The following FGF9 variants were observed in gnomAD, a reference collection of about 807,000 sequenced individuals.
FGF9 encodes the protein fibroblast growth factor 9 (glia-activating factor).
A neutral mutation model predicts 19.9 loss-of-function variants in FGF9; 3 were observed. The ratio of observed to expected loss-of-function variants is 0.15; its 90% confidence interval spans 0.07 to 0.39. The LOEUF (loss-of-function observed/expected upper bound fraction) is 0.39, where lower values mean the gene tolerates loss of function less well. Ranked by LOEUF, FGF9 falls within the 10% of genes least tolerant of loss-of-function variation. The pLI, the probability that FGF9 is intolerant of heterozygous loss-of-function variation, is 1.00. For synonymous variants in FGF9, 107 were observed against 106.9 expected (o/e 1.00, Z -0.01); for missense variants, 175 against 256.8 (o/e 0.68, Z 2.18).
At chr13:21,674,930 A>T (rs1871871862) in intron 1 of FGF9, among the ~76,000 whole-genome samples, 1 of 149,796 alleles carries the variant, frequency 6.7e-6, no homozygotes, top group South Asian at 2.1e-4. Flanking sequence ...TAGACCCCTC[A>T]CCCCTAGAGG....
At chr13:21,692,684 C>T (rs1014023688) in intron 2 of FGF9, among the ~76,000 whole-genome samples, 1 of 152,176 alleles carries the variant, frequency 6.6e-6, no homozygotes, top group Admixed American at 6.5e-5. Flanking sequence ...GGTCACGCTC[C>T]CAAGTGTGTG....
At position 21,691,634 on chromosome 13, in the gene FGF9, G is replaced by A. The variant is rs1021704465; in HGVS notation, c.382-9556G>A. 7.9e-5 allele frequency among the ~76,000 whole-genome samples: 12 copies of A among 152,212 alleles called. No individual in the cohort carries two copies. Among genetic ancestry groups the A allele is most frequent in the African/African-American group, 2.9e-4 (12 of 41,464 alleles). ...TCCGGGGCTGTCGTTCAGCGTCCTGGCCCGAGAGATGCCCTCCATCCTTAC... is the reference window on the plus strand; with the variant it reads ...TCCGGGGCTGTCGTTCAGCGTCCTGACCCGAGAGATGCCCTCCATCCTTAC... On this transcript the variant is annotated intron_variant, in intron 2 of 2. Coordinates refer to ENST00000382353, the MANE Select transcript of FGF9 (RefSeq NM_002010.3). The surrounding 1 kb of genome is among the most constrained non-coding windows in gnomAD (Gnocchi z 4.2).
intron 1 of FGF9, among the ~76,000 whole-genome samples, chr13:21,674,806 A>G (rs537726049): frequency 4.4e-4 from 66 of 151,194 alleles, no homozygotes; most frequent in African/African-American, 1.5e-3. Context: ...GAGAGCGCGG[A>G]TGCAAGGGCG....
In FGF9 at chr13:21,691,308, T is replaced by C. The variant is rs1872284791; in HGVS notation, c.382-9882T>C. ...GTTAGAATTATAAACAAAAGGGGCT[T>C]GGAGAGCTTGCAGGAGGGAGCTTAA... On this transcript the variant is annotated intron_variant, in intron 2 of 2. Transcript: ENST00000382353. This position sits in a 1 kb window ranked among gnomAD's most constrained non-coding sequence, Gnocchi z 4.2. 6.6e-6 allele frequency among the ~76,000 whole-genome samples: 1 copy of C among 152,176 alleles called. No homozygotes were observed. The highest frequency in any genetic ancestry group is 2.1e-4 in the South Asian group (1 of 4,826).
At chr13:21,698,353 T>C (rs1872463143) in intron 2 of FGF9, among the ~76,000 whole-genome samples, 1 of 152,214 alleles carries the variant, frequency 6.6e-6, no homozygotes, top group South Asian at 2.1e-4. Context: ...GGTTCTAAGA[T>C]GTTAAGATGT....
chr13:21,671,592 G>A lies in FGF9; in HGVS notation c.-321G>A, dbSNP rs558316270. ...CGGATTTTTTTTCCTTATTACGGTC[G>A]GATGGGATGAAGACCTTCCTGCCTG... is the stretch of plus-strand genomic sequence containing the variant. On this transcript the variant is annotated 5_prime_UTR_variant, in exon 1 of 3. Transcript: ENST00000382353. The A allele has an allele frequency of 2.0e-6, 1 of 495,422 alleles. No homozygotes were observed. Among genetic ancestry groups the A allele is most frequent in the African/African-American group, 1.9e-5 (1 of 51,498 alleles). 30.7% of individuals were successfully genotyped at this position (495,422 alleles called of 1,614,324 possible).
At chr13:21,678,841 A>G (rs947231447) in intron 1 of FGF9, among the ~76,000 whole-genome samples, 6 of 152,208 alleles carry the variant, frequency 3.9e-5, no homozygotes, top group Non-Finnish European at 5.9e-5. Context: ...CGAAAATTGA[A>G]CATTAATTAA....
intron 1 of FGF9, among the ~76,000 whole-genome samples, chr13:21,679,004 T>C (rs1276282554): frequency 6.6e-6 from 1 of 152,168 alleles, no homozygotes; most frequent in African/African-American, 2.4e-5. Context: ...TGAAATAAAA[T>C]GCATCAAAAA....
chr13:21,695,492 T>A (rs887085129), intron 2 of FGF9, among the ~76,000 whole-genome samples: 1 of 152,020 alleles, frequency 6.6e-6, no homozygotes, highest in Non-Finnish European at 1.5e-5. Flanking sequence ...GGGTGGGAGC[T>A]TCTCATGAAA....
At position 21,701,608 on chromosome 13, in the gene FGF9, A is replaced by C; in HGVS notation, c.*173A>C. 1.1e-6 allele frequency: 1 copy of C among 881,200 alleles called. No homozygotes were observed. The highest frequency in any genetic ancestry group is 1.8e-6 in the Non-Finnish European group (1 of 570,926). 54.6% of individuals were successfully genotyped at this position (881,200 alleles called of 1,614,324 possible). On this transcript the variant is annotated 3_prime_UTR_variant, in exon 3 of 3. Transcript: ENST00000382353. ...TGGGAATATGCTGATTTTGTTCTGC[A>C]CTTAAAGGCTTCTCCTCCTGGAGGG... is the stretch of plus-strand genomic sequence containing the variant.
At chr13:21,680,983 A>T in intron 1 of FGF9, 59 bp from the exon 2 acceptor site, 1 of 1,300,774 alleles carries the variant, frequency 7.7e-7, no homozygotes, top group Admixed American at 1.7e-5. Context: ...GGATGCTGGG[A>T]CTCTAAGGAC....
intron 2 of FGF9, among the ~76,000 whole-genome samples, chr13:21,688,358 A>G (rs1003867352): frequency 3.9e-5 from 6 of 152,236 alleles, no homozygotes; most frequent in Admixed American, 3.9e-4. Context: ...GGTGGTTTTC[A>G]ACGGATATTT....
At chr13:21,693,553 A>T (rs1224071989) in intron 2 of FGF9, among the ~76,000 whole-genome samples, 1 of 152,074 alleles carries the variant, frequency 6.6e-6, no homozygotes, top group Admixed American at 6.6e-5. Context: ...GTGCTATGAC[A>T]TTGCTAACTT....
chr13:21,687,837 T>C (rs1872196846), intron 2 of FGF9, among the ~76,000 whole-genome samples: 1 of 152,200 alleles, frequency 6.6e-6, no homozygotes, highest in Non-Finnish European at 1.5e-5. Flanking sequence ...TGGGGGACAG[T>C]TATGTGGTTG....
chr13:21,700,571 T>A (rs1462456334), intron 2 of FGF9, among the ~76,000 whole-genome samples: 1 of 152,220 alleles, frequency 6.6e-6, no homozygotes, highest in African/African-American at 2.4e-5. Context: ...AGAACATATC[T>A]GACATCACTG....
chr13:21,697,017 G>A (rs529373308), intron 2 of FGF9, among the ~76,000 whole-genome samples: 15 of 152,206 alleles, frequency 9.9e-5, no homozygotes, highest in Middle Eastern at 3.4e-3. Context: ...AAAATGTACC[G>A]GTGATTTTGC....
chr13:21,682,559 T>C (rs895008991), intron 2 of FGF9, among the ~76,000 whole-genome samples: 1 of 152,030 alleles, frequency 6.6e-6, no homozygotes, highest in African/African-American at 2.4e-5. Flanking sequence ...TTAAACACAG[T>C]GGATGGTTTA....
Position 21,672,202 on chromosome 13 carries a change from T to G in FGF9, c.277+13T>G. The G allele has an allele frequency of 6.2e-7, 1 of 1,613,990 alleles. No homozygotes were observed. Among genetic ancestry groups the G allele is most frequent in the Non-Finnish European group, 8.5e-7 (1 of 1,179,850 alleles). ...CACAGCCGATTTGGTAGGTATACCA[T>G]TAACCCTTTAGTGTCCATGAGATGA... is the stretch of plus-strand genomic sequence containing the variant. On this transcript the variant is annotated intron_variant, in intron 1 of 2. Transcript: ENST00000382353. The surrounding 1 kb of genome is among the most constrained non-coding windows in gnomAD (Gnocchi z 4.2).
intron 2 of FGF9, among the ~76,000 whole-genome samples, chr13:21,699,479 T>G (rs1872489945): frequency 6.6e-6 from 1 of 152,176 alleles, no homozygotes; most frequent in African/African-American, 2.4e-5. Context: ...CCGGCCCTCA[T>G]GACCTCTTGA....
Sources: allele counts gnomAD v4.1 joint callset (sites outside exome capture counted in the v4.1 genomes callset), GRCh38; gene constraint gnomAD v4.1.1; non-coding constraint Gnocchi (gnomAD v3.1); transcripts MANE v1.5; gene names NCBI Gene and HGNC (gene_info 2026-07-23, HGNC 2026-07-21).